The following USP34 variants were observed in gnomAD, a reference collection of about 807,000 sequenced individuals.
The protein encoded by USP34 is ubiquitin carboxyl-terminal hydrolase 34.
In USP34, 70 loss-of-function variants were observed where a neutral mutation model predicts 460.3. The observed-to-expected ratio is 0.15, with a 90% CI of 0.13 to 0.19. The LOEUF is 0.19. Ranked by LOEUF, USP34 falls within the 10% of genes least tolerant of loss-of-function variation. The pLI is 1.00. For missense variants in USP34, 3,985 were observed against 4,236.2 expected, an observed-to-expected ratio of 0.94 and a Z score of 1.65; for synonymous variants, 1,647 against 1,405.3, an observed-to-expected ratio of 1.17 and a Z score of -3.85.
At chr2:61,393,824 T>C (rs1693428772) in intron 5 of USP34, among the ~76,000 whole-genome samples, 2 of 152,350 alleles carry the variant, frequency 1.3e-5, no homozygotes, top group South Asian at 4.1e-4. Context: ...TGAATTTTAA[T>C]ATACAGGTAT....
Position 61,333,830 on chromosome 2 carries a change from A to G in USP34, c.2834+52T>C, listed in dbSNP as rs993526805. 4 of 1,270,906 alleles carry G rather than the reference A, an allele frequency of 3.1e-6. No homozygotes were observed. The African/African-American group carries it at 4.6e-5, about 15-fold the overall frequency. The allele number at this position is 1,270,906 out of a possible 1,614,324, so 78.7% of individuals were successfully genotyped here. ...GGTTAGTCAAAACCTTTAGATAACT[A>G]TAATTAGAAAAAAATCTTTAAAATA... On this transcript the variant is annotated intron_variant, in intron 19 of 79. Transcript: ENST00000398571.
At chr2:61,254,551 T>C (rs1688669757) in intron 48 of USP34, among the ~76,000 whole-genome samples, 1 of 152,262 alleles carries the variant, frequency 6.6e-6, no homozygotes, top group Non-Finnish European at 1.5e-5. Flanking sequence ...TCGTTCTTAG[T>C]AACTAACTGC....
At chr2:61,306,963 A>G (rs1387272397) in intron 27 of USP34, among the ~76,000 whole-genome samples, 1 of 151,994 alleles carries the variant, frequency 6.6e-6, no homozygotes, top group Admixed American at 6.6e-5. Flanking sequence ...TCCCATTACT[A>G]GGTATATACC....
intron 35 of USP34, 95 bp from the exon 36 acceptor site, chr2:61,283,544 C>T (rs1465903316): frequency 7.4e-7 from 1 of 1,342,542 alleles, no homozygotes; most frequent in African/African-American, 1.5e-5. Flanking sequence ...GTTATCACTT[C>T]CCCCCCAAAA....
chr2:61,436,390 A>T (rs568724647), intron 1 of USP34, among the ~76,000 whole-genome samples: 54 of 152,314 alleles, frequency 3.5e-4, no homozygotes, highest in African/African-American at 1.3e-3. Flanking sequence ...ACAGAAACCA[A>T]AAGTGAGCTG....
intron 16 of USP34, among the ~76,000 whole-genome samples, chr2:61,342,357 G>A (rs954189753): frequency 3.6e-5 from 5 of 139,882 alleles, no homozygotes; most frequent in Non-Finnish European, 7.6e-5. Context: ...CTGGAGTGCA[G>A]TGGCGTGATC....
chr2:61,382,556 T>C lies in USP34; in HGVS notation c.821+713A>G, dbSNP rs377432044. 3.9e-5 allele frequency among the ~76,000 whole-genome samples: 6 copies of C among 152,310 alleles called. No individual in the cohort carries two copies. In the South Asian group the frequency reaches 6.2e-4, roughly 16 times the overall value. On this transcript the variant is annotated intron_variant, in intron 6 of 79. Transcript: ENST00000398571. ...ATTCATCACTATCTGATTCTTTGCC[T>C]GATACTGTCTCCCAAAAGTTGAGTA...
chr2:61,456,572 T>C (rs1695446601), intron 1 of USP34, among the ~76,000 whole-genome samples: 1 of 152,124 alleles, frequency 6.6e-6, no homozygotes, highest in Admixed American at 6.6e-5. Context: ...ATCCCAGCAC[T>C]TTAGGAAGCC....
At chr2:61,330,651 A>G (rs892725398) in intron 20 of USP34, among the ~76,000 whole-genome samples, 2 of 152,170 alleles carry the variant, frequency 1.3e-5, no homozygotes, top group African/African-American at 4.8e-5. Context: ...ACATCGGTCC[A>G]TAACAATCAG....
At chr2:61,292,665 C>T (rs1165207189) in intron 33 of USP34, among the ~76,000 whole-genome samples, 1 of 151,896 alleles carries the variant, frequency 6.6e-6, no homozygotes, top group Non-Finnish European at 1.5e-5. Flanking sequence ...AAAAGCAAAA[C>T]AAAACAAAAC....
At chr2:61,468,925 T>C (rs550430168) in intron 1 of USP34, among the ~76,000 whole-genome samples, 1 of 152,290 alleles carries the variant, frequency 6.6e-6, no homozygotes, top group South Asian at 2.1e-4. Context: ...TATTTTAAAA[T>C]CAGCCAGGCG....
chr2:61,418,394 T>C (rs1694260944), intron 2 of USP34, among the ~76,000 whole-genome samples: 1 of 152,216 alleles, frequency 6.6e-6, no homozygotes, highest in South Asian at 2.1e-4. Context: ...ATACTATTTT[T>C]GAAGTAAACA....
chr2:61,240,298 AT>A (rs553359868), intron 53 of USP34, among the ~76,000 whole-genome samples: 1 of 151,162 alleles, frequency 6.6e-6, no homozygotes, highest in Non-Finnish European at 1.5e-5. Flanking sequence ...TGTAAAATAC[AT>A]TTTTTTTTGA....
chr2:61,390,414 G>A (rs1693307449), intron 5 of USP34, among the ~76,000 whole-genome samples: 1 of 152,172 alleles, frequency 6.6e-6, no homozygotes, highest in Non-Finnish European at 1.5e-5. Flanking sequence ...TCTAAGCTGT[G>A]TTAAATGTTA....
At chr2:61,407,855 C>A (rs569992669) in intron 2 of USP34, among the ~76,000 whole-genome samples, 1 of 152,192 alleles carries the variant, frequency 6.6e-6, no homozygotes, top group Non-Finnish European at 1.5e-5. Context: ...TGGCTCATGC[C>A]TGTAATCCCA....
intron 5 of USP34, among the ~76,000 whole-genome samples, chr2:61,384,703 T>C (rs192432447): frequency 2.0e-5 from 3 of 152,086 alleles, no homozygotes; most frequent in East Asian, 1.9e-4. Flanking sequence ...ATAAAATACA[T>C]GAATTTGGGA....
chr2:61,454,738 T>C (rs551896620), intron 1 of USP34, among the ~76,000 whole-genome samples: 6 of 148,264 alleles, frequency 4.0e-5, no homozygotes, highest in Middle Eastern at 3.8e-3. Context: ...TTAGTAGACA[T>C]GGGTTTCACC....
rs538214644 is a variant in USP34 at position 61,294,366 on chromosome 2, C to T, written c.4461+583G>A. Among the ~76,000 whole-genome samples the T allele has an allele frequency of 3.3e-5, 5 of 151,530 alleles. No individual in the cohort carries two copies. In the South Asian group the frequency reaches 1.0e-3, roughly 32 times the overall value. On this transcript the variant is annotated intron_variant, in intron 32 of 79. Coordinates refer to ENST00000398571, the MANE Select transcript of USP34 (RefSeq NM_014709.4). Reference sequence around the variant, plus strand: ...ATTTCAAAAAAAAAAAATTTATACACACACACACGAAAAAGCCTATAAACA... The same window carrying T: ...ATTTCAAAAAAAAAAAATTTATACATACACACACGAAAAAGCCTATAAACA...
At chr2:61,455,754 C>T (rs1222702888) in intron 1 of USP34, among the ~76,000 whole-genome samples, 4 of 152,164 alleles carry the variant, frequency 2.6e-5, no homozygotes, top group Non-Finnish European at 5.9e-5. Context: ...ATTTTTCATG[C>T]TGTTGTTTTG....
Sources: allele counts gnomAD v4.1 joint callset (sites outside exome capture counted in the v4.1 genomes callset), GRCh38; gene constraint gnomAD v4.1.1; transcripts MANE v1.5; gene names NCBI Gene and HGNC (gene_info 2026-07-23, HGNC 2026-07-21).